TRARG1: variants seen among roughly 807,000 people sequenced by gnomAD.
TRARG1 encodes trafficking regulator of GLUT4 (SLC2A4) 1 (gene/pseudogene), also known as trafficking regulator of GLUT4 1.
In TRARG1, 16 loss-of-function variants were observed where a neutral mutation model predicts 13.3. That is an observed-to-expected ratio of 1.20 (90% CI 0.81 to 1.83). The LOEUF (loss-of-function observed/expected upper bound fraction) is 1.83, where lower values mean the gene tolerates loss of function less well. Ranked by LOEUF, TRARG1 falls within the 40% of genes most tolerant of loss-of-function variation. TRARG1 has a pLI of 0.00. For synonymous variants in TRARG1, 113 were observed against 106.2 expected (o/e 1.06, Z -0.39); for missense variants, 250 against 237.4 (o/e 1.05, Z -0.35).
chr17:1,291,447 C>G (rs547415145), intron 1 of TRARG1, among the ~76,000 whole-genome samples: 1 of 152,190 alleles, frequency 6.6e-6, no homozygotes, highest in Admixed American at 6.5e-5. Flanking sequence ...CCGTTTTGTT[C>G]GGCACTTTTC....
Position 1,293,567 on chromosome 17 carries a change from G to A in TRARG1, c.388-1924G>A, listed in dbSNP as rs1256739866. Among the ~76,000 whole-genome samples the A allele has an allele frequency of 1.7e-3, 120 of 70,284 alleles. 1 individual carries two copies. The highest frequency in any genetic ancestry group is 2.5e-3 in the Non-Finnish European group (92 of 36,190). 46.1% of individuals were successfully genotyped at this position (70,284 alleles called of 152,430 possible). On this transcript the variant is annotated intron_variant, in intron 1 of 2. Coordinates refer to ENST00000333813, the MANE Select transcript of TRARG1 (RefSeq NM_172367.3). ...ACGAGTTGAGTTTGATGATGTCGTG[G>A]GTTGGGTTTGATGATGTCGTGGGTT...
chr17:1,295,853 A>G (rs1474052891), intron 2 of TRARG1, among the ~76,000 whole-genome samples: 1 of 152,238 alleles, frequency 6.6e-6, no homozygotes, highest in African/African-American at 2.4e-5. Context: ...GAACTGATGG[A>G]AAGGGTGTGG....
chr17:1,290,828 G>T (rs1372532992), intron 1 of TRARG1, among the ~76,000 whole-genome samples: 1 of 151,876 alleles, frequency 6.6e-6, no homozygotes, highest in African/African-American at 2.4e-5. Context: ...CCCGGTGGAG[G>T]TCATTGAATC....
intron 2 of TRARG1, among the ~76,000 whole-genome samples, chr17:1,296,594 C>T (rs1006372256): frequency 6.6e-6 from 1 of 151,818 alleles, no homozygotes; most frequent in Non-Finnish European, 1.5e-5. Flanking sequence ...TCACTGCAAC[C>T]TCCACCTCCC....
chr17:1,280,559 G>T (rs2071966074), intron 1 of TRARG1, among the ~76,000 whole-genome samples, 171 bp downstream of exon 1: 1 of 152,122 alleles, frequency 6.6e-6, no homozygotes, highest in African/African-American at 2.4e-5. Flanking sequence ...TTAGAGAGGG[G>T]CCCCGGGGCT....
At chr17:1,283,640 C>A (rs1226143017) in intron 1 of TRARG1, among the ~76,000 whole-genome samples, 1 of 151,310 alleles carries the variant, frequency 6.6e-6, no homozygotes, top group Non-Finnish European at 1.5e-5. Context: ...AACCCCATCT[C>A]TACTAAAAAT....
chr17:1,281,374 G>C (rs77251221), intron 1 of TRARG1, among the ~76,000 whole-genome samples: 1 of 77,548 alleles, frequency 1.3e-5, no homozygotes, highest in Non-Finnish European at 2.8e-5. Flanking sequence ...ACTAGGTGTG[G>C]AGGGGGGTTC....
At chr17:1,283,935 T>TC (rs1393636753) in intron 1 of TRARG1, among the ~76,000 whole-genome samples, 1 of 151,126 alleles carries the variant, frequency 6.6e-6, no homozygotes, top group Non-Finnish European at 1.5e-5. Flanking sequence ...ACACGGTGAA[T>TC]CCCCATCTCT....
At position 1,280,221 on chromosome 17, in the gene TRARG1, C is replaced by T. The variant is rs369899312; in HGVS notation, c.220C>T (p.Leu74=). 6.2e-6 allele frequency: 10 copies of T among 1,613,984 alleles called. No individual in the cohort carries two copies. The highest frequency in any genetic ancestry group is 2.7e-5 in the African/African-American group (2 of 74,952). Residue 74 remains leucine, a synonymous_variant, in exon 1 of 3, where the codon CTG becomes TTG. Coordinates refer to ENST00000333813, the MANE Select transcript of TRARG1 (RefSeq NM_172367.3). ...AISEGHLEAP[L]PRSPSRASSR... ...CTCCGAGGGGCACCTGGAGGCCCCA[C>T]TGCCTCGGTCCCCCTCCCGGGCCAG...
At position 1,300,598 on chromosome 17, in the gene TRARG1, GT is replaced by G. The variant is rs2072148401; in HGVS notation, c.*2337del. 1 of 152,744 alleles carries G rather than the reference GT, an allele frequency of 6.5e-6. No homozygotes were observed. Among genetic ancestry groups the G allele is most frequent in the Non-Finnish European group, 1.5e-5 (1 of 68,440 alleles). 9.5% of individuals were successfully genotyped at this position (152,744 alleles called of 1,614,324 possible). A position where few individuals can be genotyped will look rare whatever the true frequency, so the allele number is the denominator to read the frequency against. On this transcript the variant is annotated 3_prime_UTR_variant, in exon 3 of 3. Transcript: ENST00000333813. ...CCAGGCAGGCGAGGATAACTTGAGA[GT>G]TTCCTAGGGCACCAGGGACAGAGCT...
intron 1 of TRARG1, among the ~76,000 whole-genome samples, chr17:1,283,422 C>T (rs1270670493): frequency 6.6e-6 from 1 of 152,172 alleles, no homozygotes; most frequent in Non-Finnish European, 1.5e-5. Context: ...ATATAACTCA[C>T]ATACCATATG....
intron 1 of TRARG1, among the ~76,000 whole-genome samples, chr17:1,283,255 G>A (rs1372904999): frequency 2.0e-5 from 3 of 152,158 alleles, no homozygotes; most frequent in Admixed American, 6.5e-5. Context: ...CGAGAGAGCC[G>A]TGAGGGGGTG....
chr17:1,286,542 T>TGGGTGTTGTCAGCCTGTG, intron 1 of TRARG1, among the ~76,000 whole-genome samples: 1 of 104,846 alleles, frequency 9.5e-6, no homozygotes, highest in Non-Finnish European at 1.8e-5. Context: ...TGTTGGCCTG[T>TGGGTGTTGTCAGCCTGTG]GGGTGTTGTC....
intron 1 of TRARG1, among the ~76,000 whole-genome samples, chr17:1,280,892 G>A (rs1304715643): frequency 2.6e-5 from 4 of 152,210 alleles, no homozygotes; most frequent in African/African-American, 9.6e-5. Flanking sequence ...GCCGTACCCT[G>A]AGGGCTCCGG....
At chr17:1,287,696 A>T (rs1009058299) in intron 1 of TRARG1, among the ~76,000 whole-genome samples, 2 of 151,144 alleles carry the variant, frequency 1.3e-5, no homozygotes, top group Admixed American at 6.6e-5. Flanking sequence ...TCTGTCACCC[A>T]GGCTGGAGTG....
In TRARG1 at chr17:1,282,380, A is replaced by G. The variant is rs532426932; in HGVS notation, c.387+1992A>G. Among the ~76,000 whole-genome samples the G allele has an allele frequency of 7.9e-5, 12 of 152,094 alleles. 1 individual carries two copies. In the South Asian group the frequency reaches 2.3e-3, roughly 29 times the overall value. On this transcript the variant is annotated intron_variant, in intron 1 of 2. Coordinates refer to ENST00000333813, the MANE Select transcript of TRARG1 (RefSeq NM_172367.3). ...TATGTATATATGTACGTATATGTATATATATTTTAAGACAGAGTCTTGCTC... is the reference window on the plus strand; with the variant it reads ...TATGTATATATGTACGTATATGTATGTATATTTTAAGACAGAGTCTTGCTC...
chr17:1,293,039 G>A (rs1218391017), intron 1 of TRARG1, among the ~76,000 whole-genome samples: 2 of 152,142 alleles, frequency 1.3e-5, no homozygotes, highest in African/African-American at 4.8e-5. Flanking sequence ...TGTACTCCCA[G>A]CACTTTGGGA....
chr17:1,300,720 C>T lies in TRARG1; in HGVS notation c.*2456C>T, dbSNP rs2072149542. The T allele has an allele frequency of 6.6e-6, 1 of 152,566 alleles. No individual in the cohort carries two copies. The highest frequency in any genetic ancestry group is 1.5e-5 in the Non-Finnish European group (1 of 68,302). The allele number at this position is 152,566 out of a possible 1,614,324, so 9.5% of individuals were successfully genotyped here. ...TGGAGGAGAAAGCCATTCTGGACACCAGGGGACCTGGACGGAGGGTCCCCA... is the reference window on the plus strand; with the variant it reads ...TGGAGGAGAAAGCCATTCTGGACACTAGGGGACCTGGACGGAGGGTCCCCA... On this transcript the variant is annotated 3_prime_UTR_variant, in exon 3 of 3. Transcript: ENST00000333813.
chr17:1,285,617 A>G (rs1055170013), intron 1 of TRARG1, among the ~76,000 whole-genome samples: 1 of 151,958 alleles, frequency 6.6e-6, no homozygotes, highest in South Asian at 2.1e-4. Flanking sequence ...AGGCAGGAGA[A>G]TCGCTTGAAC....
Sources: allele counts gnomAD v4.1 joint callset (sites outside exome capture counted in the v4.1 genomes callset), GRCh38; gene constraint gnomAD v4.1.1; transcripts MANE v1.5; gene names NCBI Gene and HGNC (gene_info 2026-07-23, HGNC 2026-07-21).